SLC7A2: variants seen among roughly 807,000 people sequenced by gnomAD.
SLC7A2 encodes the protein solute carrier family 7 member 2.
SLC7A2 carries 48 observed loss-of-function variants against 58.9 expected under a neutral mutation model. The ratio of observed to expected loss-of-function variants is 0.82; its 90% CI spans 0.65 to 1.04. The LOEUF (loss-of-function observed/expected upper bound fraction) is 1.04, where lower values mean the gene tolerates loss of function less well. Among genes scored for constraint, SLC7A2 ranks in the 50% least tolerant of loss-of-function variants. The probability of loss-of-function intolerance (pLI) is 0.00; values close to 1 mark genes in which losing one functional copy is unlikely to be tolerated. For missense variants in SLC7A2, 1,029 were observed against 818.8 expected (o/e 1.26, Z -3.13); for synonymous variants, 363 against 314.5 (o/e 1.15, Z -1.63).
intron 4 of SLC7A2, among the ~76,000 whole-genome samples, chr8:17,546,399 A>G (rs1248975898): frequency 6.6e-6 from 1 of 152,224 alleles, no homozygotes; most frequent in Non-Finnish European, 1.5e-5. Context: ...CCCTATTCAT[A>G]TCGTAACACC....
chr8:17,542,646 G>A (rs1226609457), intron 2 of SLC7A2, among the ~76,000 whole-genome samples: 1 of 117,072 alleles, frequency 8.5e-6, no homozygotes, highest in Non-Finnish European at 2.2e-5. Context: ...GTGAGACCCT[G>A]TCTCAAAAAA....
At chr8:17,530,450 T>C (rs921671315) in intron 2 of SLC7A2, among the ~76,000 whole-genome samples, 11 of 151,938 alleles carry the variant, frequency 7.2e-5, no homozygotes, top group African/African-American at 2.7e-4. Context: ...CGTTGGAGAA[T>C]AGCAACATGC....
chr8:17,558,154 G>T, intron 8 of SLC7A2, 141 bp from the exon 9 acceptor site: 1 of 595,960 alleles, frequency 1.7e-6, no homozygotes. Context: ...AACTGTGAGA[G>T]ATATATTTTC....
chr8:17,522,596 C>T (rs1257095718), intron 2 of SLC7A2, among the ~76,000 whole-genome samples: 1 of 152,216 alleles, frequency 6.6e-6, no homozygotes, highest in African/African-American at 2.4e-5. Context: ...TCAACATCTG[C>T]TTCCCAGTTT....
At chr8:17,557,036 A>G (rs1802739825) in intron 8 of SLC7A2, among the ~76,000 whole-genome samples, 2 of 152,200 alleles carry the variant, frequency 1.3e-5, no homozygotes, top group South Asian at 2.1e-4. Flanking sequence ...AAGTTAGCCT[A>G]TCTCTAAGAT....
chr8:17,554,875 T>C (rs1387469513), intron 8 of SLC7A2, 176 bp downstream of exon 8: 2 of 1,541,002 alleles, frequency 1.3e-6, no homozygotes, highest in African/African-American at 1.4e-5. Context: ...GTCCAGTCTT[T>C]ACCTGTCTAT....
chr8:17,532,187 G>A (rs1045718441), intron 2 of SLC7A2, among the ~76,000 whole-genome samples: 23 of 120,480 alleles, frequency 1.9e-4, no homozygotes, highest in Non-Finnish European at 8.0e-5. Context: ...CTGAGATTGC[G>A]CCACTACACT....
chr8:17,518,787 T>C (rs563518578), intron 2 of SLC7A2, among the ~76,000 whole-genome samples: 1 of 152,308 alleles, frequency 6.6e-6, no homozygotes, highest in South Asian at 2.1e-4. Flanking sequence ...TGTACTAGCA[T>C]CTTAGTCTGC....
chr8:17,509,888 T>G (rs1254281840), intron 2 of SLC7A2, among the ~76,000 whole-genome samples: 11 of 152,048 alleles, frequency 7.2e-5, no homozygotes, highest in Admixed American at 5.9e-4. Flanking sequence ...CAAGCAGAAC[T>G]GTATCTACCT....
intron 6 of SLC7A2, 36 bp downstream of exon 6, chr8:17,550,470 G>C (rs1314574957): frequency 6.3e-7 from 1 of 1,594,678 alleles, no homozygotes; most frequent in East Asian, 2.2e-5. Flanking sequence ...TAGAAGGAGT[G>C]TTCCTTGTTG....
chr8:17,528,108 G>A (rs1247250018), intron 2 of SLC7A2, among the ~76,000 whole-genome samples: 1 of 152,086 alleles, frequency 6.6e-6, no homozygotes, highest in East Asian at 1.9e-4. Context: ...AGTGTTCTGA[G>A]GAAGTTAAAG....
At position 17,520,209 on chromosome 8, in the gene SLC7A2, A is replaced by G. The variant is rs1468046033; in HGVS notation, c.-23+17907A>G. On this transcript the variant is annotated intron_variant, in intron 2 of 12. Transcript: ENST00000494857. ...TTTAGGAAAGAATTATTAAAGGGAG[A>G]AACTTTTTTATTGTGACATATGTTC... Among the ~76,000 whole-genome samples the G allele has an allele frequency of 2.6e-5, 4 of 152,168 alleles. No homozygotes were observed. The East Asian group carries it at 7.7e-4, about 29-fold the overall frequency.
chr8:17,558,325 C>G lies in SLC7A2; in HGVS notation c.1226C>G (p.Ala409Gly). The G allele has an allele frequency of 1.9e-6, 3 of 1,613,252 alleles. No homozygotes were observed. Among genetic ancestry groups the G allele is most frequent in the Non-Finnish European group, 2.5e-6 (3 of 1,179,588 alleles). ...ALMAFLFDLKALVDMMSIGTL... is the reference protein window; with the variant it reads ...ALMAFLFDLKGLVDMMSIGTL... Reference sequence around the variant, plus strand: ...ATGGCCTTTCTGTTTGACCTGAAGGCGCTTGTGGACATGATGTCCATTGGC... The same window carrying G: ...ATGGCCTTTCTGTTTGACCTGAAGGGGCTTGTGGACATGATGTCCATTGGC... Residue 409 changes from alanine to glycine, a missense_variant, in exon 9 of 13, where the codon GCG becomes GGG. Transcript: ENST00000494857.
chr8:17,554,942 C>T (rs370515423), intron 8 of SLC7A2: 10 of 1,613,386 alleles, frequency 6.2e-6, no homozygotes, highest in Non-Finnish European at 7.6e-6. Flanking sequence ...TTTTTCTGTT[C>T]TAGTCTTCTG....
intron 2 of SLC7A2, among the ~76,000 whole-genome samples, chr8:17,538,568 AG>A (rs545147039): frequency 2.6e-4 from 39 of 152,350 alleles, no homozygotes; most frequent in African/African-American, 9.1e-4. Flanking sequence ...AAAGAATAAA[AG>A]TCAATAAATC....
intron 4 of SLC7A2, 61 bp downstream of exon 4, chr8:17,544,667 G>GTGT: frequency 6.8e-7 from 1 of 1,478,034 alleles, no homozygotes; most frequent in Non-Finnish European, 9.3e-7. Context: ...CAGGAAAATA[G>GTGT]GTTACTTCTG....
At chr8:17,523,754 T>A (rs950785256) in intron 2 of SLC7A2, among the ~76,000 whole-genome samples, 2 of 152,140 alleles carry the variant, frequency 1.3e-5, no homozygotes, top group Middle Eastern at 3.4e-3. Flanking sequence ...AAAACAAAGA[T>A]AACTAGATGG....
intron 8 of SLC7A2, 79 bp downstream of exon 8, chr8:17,554,778 T>G: frequency 6.8e-7 from 1 of 1,473,816 alleles, no homozygotes; most frequent in Non-Finnish European, 9.1e-7. Context: ...CAAAGCTAGG[T>G]GGTTTTCTTT....
At chr8:17,527,111 C>T (rs1048547279) in intron 2 of SLC7A2, among the ~76,000 whole-genome samples, 22 of 152,038 alleles carry the variant, frequency 1.4e-4, no homozygotes, top group Admixed American at 5.2e-4. Flanking sequence ...TTCAAATTTG[C>T]AGTGATACAC....
Sources: gnomAD v4.1 joint callset for allele counts (sites outside exome capture counted in the v4.1 genomes callset) on GRCh38, gnomAD v4.1.1 for gene constraint, MANE v1.5 for transcripts, NCBI Gene and HGNC (gene_info 2026-07-23, HGNC 2026-07-21) for gene names.